SEC22C: variants seen among roughly 807,000 people sequenced by gnomAD.
SEC22C encodes the protein SEC22 homolog C, vesicle trafficking protein.
A neutral mutation model predicts 34.7 loss-of-function variants in SEC22C; 29 were observed. The observed-to-expected ratio is 0.84, with a 90% CI of 0.62 to 1.14. The LOEUF is 1.14. Among genes scored for constraint, SEC22C ranks in the 50% most tolerant of loss-of-function variants. SEC22C has a pLI of 0.00. For synonymous variants in SEC22C, 117 were observed against 132.8 expected (o/e 0.88, Z 0.82); for missense variants, 337 against 369.0 (o/e 0.91, Z 0.71).
chr3:42,596,525 T>C (rs1008700976), intron 1 of SEC22C, among the ~76,000 whole-genome samples: 7 of 152,202 alleles, frequency 4.6e-5, no homozygotes, highest in African/African-American at 9.6e-5. Context: ...CCTGAGTTTG[T>C]AAACTCTTTG....
In SEC22C at chr3:42,548,689, C is replaced by A. The variant is rs370185212; in HGVS notation, c.*4559G>T. On this transcript the variant is annotated 3_prime_UTR_variant, in exon 7 of 7. Transcript: ENST00000264454. Reference sequence around the variant, plus strand: ...TAAACCAAACATCAATGGTACCATGCGCTCTGTGCCCAGGGAGTGAAAGGC... The same window carrying A: ...TAAACCAAACATCAATGGTACCATGAGCTCTGTGCCCAGGGAGTGAAAGGC... 1.2e-6 allele frequency: 2 copies of A among 1,613,924 alleles called. No individual in the cohort carries two copies. The highest frequency in any genetic ancestry group is 1.7e-6 in the Non-Finnish European group (2 of 1,179,966).
chr3:42,567,958 G>A (rs1039921444), intron 2 of SEC22C, among the ~76,000 whole-genome samples: 6 of 152,066 alleles, frequency 3.9e-5, no homozygotes, highest in African/African-American at 1.4e-4. Context: ...TATAATCCCA[G>A]CTGCTCAGGA....
At chr3:42,599,217 G>T (rs1053992181) in intron 1 of SEC22C, among the ~76,000 whole-genome samples, 74 of 149,086 alleles carry the variant, frequency 5.0e-4, no homozygotes, top group African/African-American at 1.8e-3. Flanking sequence ...CGCCTGCCTC[G>T]GCCTCCCAAA....
At chr3:42,556,494 AACACACATTGATCAAAGACAGG>A (rs1293696525) in intron 5 of SEC22C, among the ~76,000 whole-genome samples, 1 of 152,178 alleles carries the variant, frequency 6.6e-6, no homozygotes, top group African/African-American at 2.4e-5. Flanking sequence ...TAGAAACCAC[AACACACATTGATCAAAGACAGG>A]ATGTGGTAAC....
rs1174820590 is a variant in SEC22C, at chr3:42,548,692, T to A, written c.*4556A>T. 6.8e-6 allele frequency: 11 copies of A among 1,613,924 alleles called. No individual in the cohort carries two copies. The highest frequency in any genetic ancestry group is 2.2e-5 in the East Asian group (1 of 44,870). On this transcript the variant is annotated 3_prime_UTR_variant, in exon 7 of 7. Transcript: ENST00000264454. The stretch of plus-strand genomic sequence containing the variant: ...ACCAAACATCAATGGTACCATGCGC[T>A]CTGTGCCCAGGGAGTGAAAGGCAGG...
At chr3:42,575,054 C>T (rs753365463) in intron 1 of SEC22C, among the ~76,000 whole-genome samples, 36 of 152,244 alleles carry the variant, frequency 2.4e-4, no homozygotes, top group South Asian at 1.2e-3. Flanking sequence ...TGCTATGTTG[C>T]CACAGCTGGT....
intron 1 of SEC22C, among the ~76,000 whole-genome samples, chr3:42,592,485 C>T (rs1704885056): frequency 6.6e-6 from 1 of 152,226 alleles, no homozygotes; most frequent in African/African-American, 2.4e-5. Context: ...CAGGCATGAG[C>T]CACCACGGCC....
At chr3:42,582,457 C>G (rs76354464), upstream of SEC22C, 2 of 152,372 alleles carry the variant, frequency 1.3e-5, no homozygotes, top group Non-Finnish European at 2.9e-5. Flanking sequence ...GGACACACCC[C>G]AAGCTGGGGA....
chr3:42,593,564 C>T (rs1167881164), intron 1 of SEC22C, among the ~76,000 whole-genome samples: 1 of 152,076 alleles, frequency 6.6e-6, no homozygotes, highest in African/African-American at 2.4e-5. Context: ...GGAACCAATC[C>T]TCTGTGGATA....
chr3:42,590,740 G>A (rs1267140070), intron 1 of SEC22C: 8 of 794,798 alleles, frequency 1.0e-5, no homozygotes, highest in Non-Finnish European at 1.7e-5. Flanking sequence ...CTGGGACCGA[G>A]GAAAGCGCTG....
intron 1 of SEC22C, chr3:42,590,724 T>C: frequency 1.4e-6 from 1 of 709,564 alleles, no homozygotes; most frequent in Non-Finnish European, 2.4e-6. Flanking sequence ...CCCGGCGTTC[T>C]GGGGGCTGGG....
Position 42,548,785 on chromosome 3 carries a change from A to G in SEC22C, c.*4463T>C. On this transcript the variant is annotated 3_prime_UTR_variant, in exon 7 of 7. Coordinates refer to ENST00000264454, the MANE Select transcript of SEC22C (RefSeq NM_032970.4). ...AAAAATGAGGTTTACACTGTAGTATAACAAAATGCCTTTTTGTAAAGGCCA... is the reference window on the plus strand; with the variant it reads ...AAAAATGAGGTTTACACTGTAGTATGACAAAATGCCTTTTTGTAAAGGCCA... 6.6e-7 allele frequency: 1 copy of G among 1,513,628 alleles called. No individual in the cohort carries two copies. Among genetic ancestry groups the G allele is most frequent in the South Asian group, 1.3e-5 (1 of 79,810 alleles). 93.8% of individuals were successfully genotyped at this position (1,513,628 alleles called of 1,614,324 possible). A position where few individuals can be genotyped will look rare whatever the true frequency, so the allele number is the denominator to read the frequency against.
chr3:42,581,006 A>T (rs116691307), intron 1 of SEC22C, among the ~76,000 whole-genome samples: 141 of 152,390 alleles, frequency 9.3e-4, no homozygotes, highest in African/African-American at 3.3e-3. Flanking sequence ...ACTGACTCCA[A>T]GATGGCTTCT....
Position 42,549,333 on chromosome 3 carries a change from C to T in SEC22C, c.*3915G>A. On this transcript the variant is annotated 3_prime_UTR_variant, in exon 7 of 7. Coordinates refer to ENST00000264454, the MANE Select transcript of SEC22C (RefSeq NM_032970.4). ...AGCAGGTTCTCAGAAGGCCACTGTC[C>T]TGCATGTCACAATGAGTGGCCAACT... is the stretch of plus-strand genomic sequence containing the variant. The T allele has an allele frequency of 1.0e-6, 1 of 985,684 alleles. No homozygotes were observed. Among genetic ancestry groups the T allele is most frequent in the Non-Finnish European group, 1.2e-6 (1 of 830,120 alleles). 61.1% of individuals were successfully genotyped at this position (985,684 alleles called of 1,614,324 possible).
upstream of SEC22C, among the ~76,000 whole-genome samples, chr3:42,585,224 ACT>A (rs1356682541): frequency 6.6e-6 from 1 of 152,124 alleles, no homozygotes; most frequent in Non-Finnish European, 1.5e-5. Context: ...AGGACCTTAC[ACT>A]CTCTGACTGG....
At chr3:42,591,037 A>G (rs1577373310) in intron 1 of SEC22C, 3 of 1,495,178 alleles carry the variant, frequency 2.0e-6, no homozygotes, top group Non-Finnish European at 9.1e-7. Context: ...GGGTGCGAGA[A>G]GCATCCTGTA....
At chr3:42,575,244 A>T (rs527408395) in intron 1 of SEC22C, among the ~76,000 whole-genome samples, 9 of 152,356 alleles carry the variant, frequency 5.9e-5, no homozygotes, top group Admixed American at 2.0e-4. Context: ...AACAGAACAA[A>T]CACAAAACAA....
chr3:42,554,855 TA>T (rs1702432156), intron 6 of SEC22C, among the ~76,000 whole-genome samples: 2 of 152,308 alleles, frequency 1.3e-5, no homozygotes, highest in Admixed American at 6.5e-5. Flanking sequence ...ATCGCCTCTT[TA>T]TGCCACCCCT....
At chr3:42,590,011 G>A (rs1704763223) in intron 1 of SEC22C, among the ~76,000 whole-genome samples, 1 of 152,212 alleles carries the variant, frequency 6.6e-6, no homozygotes, top group South Asian at 2.1e-4. Flanking sequence ...TTCAGAGACT[G>A]GCTTTGCTAA....
Sources: allele counts gnomAD v4.1 joint callset (sites outside exome capture counted in the v4.1 genomes callset), GRCh38; gene constraint gnomAD v4.1.1; transcripts MANE v1.5; gene names NCBI Gene and HGNC (gene_info 2026-07-23, HGNC 2026-07-21).